Variants in UGGT2 observed in about 807,000 individuals in gnomAD.
The protein encoded by UGGT2 is UDP-glucose glycoprotein glucosyltransferase 2, also known as UDP-glucose:glycoprotein glucosyltransferase 2.
UGGT2 carries 180 observed loss-of-function variants against 192.1 expected under a neutral mutation model. The ratio of observed to expected loss-of-function variants is 0.94; its 90% CI spans 0.83 to 1.06. The LOEUF (loss-of-function observed/expected upper bound fraction) is 1.06, where lower values mean the gene tolerates loss of function less well. Ranked by LOEUF, UGGT2 falls within the 50% of genes least tolerant of loss-of-function variation. UGGT2 has a pLI of 0.00. For synonymous variants in UGGT2, 580 were observed against 591.0 expected (o/e 0.98, Z 0.27); for missense variants, 1,849 against 1,795.7 (o/e 1.03, Z -0.54).
At chr13:95,847,592 A>G (rs1209339112) in intron 36 of UGGT2, among the ~76,000 whole-genome samples, 1 of 152,170 alleles carries the variant, frequency 6.6e-6, no homozygotes, top group Non-Finnish European at 1.5e-5. Flanking sequence ...TCACTTAGTT[A>G]TTATACATTT....
At chr13:95,864,865 A>C (rs1266574459) in intron 30 of UGGT2, among the ~76,000 whole-genome samples, 1 of 152,206 alleles carries the variant, frequency 6.6e-6, no homozygotes, top group Non-Finnish European at 1.5e-5. Context: ...AAAGGGTATG[A>C]AAAATAATTT....
chr13:96,010,576 T>A (rs1373931959), intron 5 of UGGT2, among the ~76,000 whole-genome samples: 2 of 151,734 alleles, frequency 1.3e-5, no homozygotes, highest in Non-Finnish European at 2.9e-5. Context: ...TAAAAAAAAA[T>A]AAATGGCATA....
At chr13:95,836,962 T>C in intron 37 of UGGT2, 124 bp downstream of exon 37, 1 of 809,956 alleles carries the variant, frequency 1.2e-6, no homozygotes, top group South Asian at 1.7e-5. Context: ...AAATGTGTAA[T>C]AGACTGAACA....
chr13:96,041,075 G>T (rs759212033), intron 1 of UGGT2, among the ~76,000 whole-genome samples: 1 of 152,136 alleles, frequency 6.6e-6, no homozygotes, highest in Non-Finnish European at 1.5e-5. Flanking sequence ...CAGAACTGCT[G>T]CAGGAATAAA....
intron 33 of UGGT2, among the ~76,000 whole-genome samples, 194 bp downstream of exon 33, chr13:95,859,395 TAC>T (rs377403468): frequency 8.5e-5 from 13 of 152,278 alleles, no homozygotes; most frequent in East Asian, 1.9e-4. Flanking sequence ...CTTAAAAATA[TAC>T]AGTCTTCTGT....
intron 20 of UGGT2, among the ~76,000 whole-genome samples, chr13:95,906,907 G>A (rs915390823): frequency 6.6e-6 from 1 of 152,162 alleles, no homozygotes; most frequent in Non-Finnish European, 1.5e-5. Flanking sequence ...TCAGGTACCT[G>A]GTTCATCTCA....
chr13:95,984,193 A>G (rs746573389), intron 9 of UGGT2, among the ~76,000 whole-genome samples: 2 of 152,220 alleles, frequency 1.3e-5, no homozygotes, highest in African/African-American at 2.4e-5. Flanking sequence ...GTATGAAATT[A>G]CCAATGTATA....
chr13:95,919,567 C>A (rs1263425602), intron 20 of UGGT2, among the ~76,000 whole-genome samples: 2 of 152,040 alleles, frequency 1.3e-5, no homozygotes, highest in African/African-American at 4.8e-5. Flanking sequence ...TTCCTATACA[C>A]CAACAACAAG....
intron 17 of UGGT2, among the ~76,000 whole-genome samples, chr13:95,933,174 T>C (rs1168715682): frequency 1.3e-5 from 2 of 152,212 alleles, no homozygotes; most frequent in Non-Finnish European, 1.5e-5. Context: ...TTCTTCTTTA[T>C]ACATCTGGCA....
chr13:95,986,065 G>A (rs894571181), intron 9 of UGGT2, among the ~76,000 whole-genome samples: 8 of 151,992 alleles, frequency 5.3e-5, no homozygotes, highest in Non-Finnish European at 8.8e-5. Flanking sequence ...AGATTACTAT[G>A]CATGATTTTA....
intron 13 of UGGT2, 96 bp from the exon 14 acceptor site, chr13:95,948,177 C>A: frequency 2.4e-5 from 19 of 789,732 alleles, no homozygotes; most frequent in East Asian, 3.4e-5. Flanking sequence ...GTATGAAATT[C>A]AATGTGTAAT....
At chr13:95,906,942 C>T (rs1217579888) in intron 20 of UGGT2, among the ~76,000 whole-genome samples, 1 of 152,142 alleles carries the variant, frequency 6.6e-6, no homozygotes, top group Non-Finnish European at 1.5e-5. Context: ...AAAGTGGGTG[C>T]AGCCCAGGCA....
At chr13:95,940,385 A>C (rs2049630140) in intron 15 of UGGT2, among the ~76,000 whole-genome samples, 1 of 151,726 alleles carries the variant, frequency 6.6e-6, no homozygotes, top group South Asian at 2.1e-4. Context: ...ATGTATGTAT[A>C]ATATATTCTA....
chr13:96,032,755 C>A (rs1326992876), intron 1 of UGGT2, among the ~76,000 whole-genome samples: 1 of 152,170 alleles, frequency 6.6e-6, no homozygotes, highest in Non-Finnish European at 1.5e-5. Context: ...TAAACTAATG[C>A]TTAAAATAAA....
At chr13:95,947,275 T>C (rs1291583701) in intron 14 of UGGT2, 103 bp from the exon 15 acceptor site, 2 of 1,205,752 alleles carry the variant, frequency 1.7e-6, no homozygotes, top group Non-Finnish European at 2.3e-6. Context: ...ATGGAGAGAA[T>C]GTATTAATAG....
At chr13:95,973,652 G>A (rs1411268386) in intron 10 of UGGT2, among the ~76,000 whole-genome samples, 1 of 152,190 alleles carries the variant, frequency 6.6e-6, no homozygotes, top group Non-Finnish European at 1.5e-5. Flanking sequence ...AAGTAAAAAG[G>A]GGGATGTTCT....
At chr13:95,997,467 A>T (rs1338082996) in intron 6 of UGGT2, among the ~76,000 whole-genome samples, 1 of 151,852 alleles carries the variant, frequency 6.6e-6, no homozygotes, top group African/African-American at 2.4e-5. Flanking sequence ...ACATGGTGAA[A>T]CCTCGTCTCT....
intron 29 of UGGT2, among the ~76,000 whole-genome samples, chr13:95,871,653 T>A (rs909155890): frequency 7.9e-5 from 12 of 152,308 alleles, no homozygotes; most frequent in African/African-American, 2.6e-4. Flanking sequence ...CTGCAACTGC[T>A]CTGAACTAGA....
chr13:95,806,679 G>C (rs759285451), intron 38 of UGGT2, among the ~76,000 whole-genome samples: 1 of 152,070 alleles, frequency 6.6e-6, no homozygotes, highest in East Asian at 1.9e-4. Flanking sequence ...GTATGGTACT[G>C]GAATAAGAAG....
Sources: allele counts gnomAD v4.1 joint callset (sites outside exome capture counted in the v4.1 genomes callset), GRCh38; gene constraint gnomAD v4.1.1; transcripts MANE v1.5; gene names NCBI Gene and HGNC (gene_info 2026-07-23, HGNC 2026-07-21).